HSD17B4: variants seen among roughly 807,000 people sequenced by gnomAD.
HSD17B4 encodes the protein hydroxysteroid 17-beta dehydrogenase 4.
Under a neutral mutation model 101.0 loss-of-function variants are expected in HSD17B4, and 70 were observed. That is an observed-to-expected ratio of 0.69 (90% CI 0.57 to 0.85). HSD17B4 has a LOEUF of 0.85. HSD17B4 is among the 40% of genes least tolerant of loss of function. The probability of loss-of-function intolerance (pLI) is 0.00; values close to 1 mark genes in which losing one functional copy is unlikely to be tolerated. For synonymous variants in HSD17B4, 347 were observed against 297.1 expected (o/e 1.17, Z -1.73); for missense variants, 984 against 892.4 (o/e 1.10, Z -1.31).
chr5:119,527,157 C>G lies in HSD17B4; in HGVS notation c.1705C>G (p.Pro569Ala), dbSNP rs764392899. 1 of 1,605,422 alleles carries G rather than the reference C, an allele frequency of 6.2e-7. No homozygotes were observed. Among genetic ancestry groups the G allele is most frequent in the South Asian group, 1.1e-5 (1 of 90,902 alleles). Residue 569 changes from proline (P) to alanine (A), a missense_variant, in exon 20 of 24, where the codon CCA becomes GCA. Physicochemically the swap from Pro to Ala is conservative, Grantham distance 27. Coordinates refer to ENST00000510025, the MANE Select transcript of HSD17B4 (RefSeq NM_000414.4). Reference sequence around the variant, plus strand: ...GGCTCGTTTTGCAAAACCAGTATATCCAGGACAAACTCTACAAACTGAGAT... The same window carrying G: ...GGCTCGTTTTGCAAAACCAGTATATGCAGGACAAACTCTACAAACTGAGAT... ...IKARFAKPVY[P>A]GQTLQTEMWK...
intron 20 of HSD17B4, among the ~76,000 whole-genome samples, chr5:119,528,577 A>G (rs1412417870): frequency 1.3e-5 from 2 of 152,088 alleles, no homozygotes; most frequent in African/African-American, 4.8e-5. Context: ...TGGAGCCCTC[A>G]CATTTTCTAA....
chr5:119,514,350 A>T (rs1378918289), intron 16 of HSD17B4, among the ~76,000 whole-genome samples: 1 of 152,152 alleles, frequency 6.6e-6, no homozygotes, highest in Non-Finnish European at 1.5e-5. Context: ...ATTTACTTAA[A>T]TTATTCTATA....
chr5:119,472,240 C>T (rs116225108), intron 2 of HSD17B4, among the ~76,000 whole-genome samples: 1,908 of 152,256 alleles, frequency 0.013, 15 homozygotes, highest in Non-Finnish European at 0.022. Context: ...TTTAAAATCA[C>T]CATTCTTATA....
In HSD17B4 at chr5:119,527,276, C is replaced by T. The variant is rs2636961; in HGVS notation, c.1767+57C>T. The T allele has an allele frequency of 0.59, 576,478 of 974,272 alleles. 176,805 individuals carry two copies. Among genetic ancestry groups the T allele is most frequent in the East Asian group, 0.93 (38,818 of 41,558 alleles). 60.4% of individuals were successfully genotyped at this position (974,272 alleles called of 1,614,324 possible). A position where few individuals can be genotyped will look rare whatever the true frequency, so the allele number is the denominator to read the frequency against. ...TGCTTTATCATTGTGTTCCATCTTA[C>T]CATTTTTTTTTGGTTAGTACTATGG... On this transcript the variant is annotated intron_variant, in intron 20 of 23. Transcript: ENST00000510025.
intron 22 of HSD17B4, among the ~76,000 whole-genome samples, chr5:119,533,701 A>C (rs1240552221): frequency 6.6e-6 from 1 of 152,050 alleles, no homozygotes; most frequent in Non-Finnish European, 1.5e-5. Flanking sequence ...ATTTAAGAGT[A>C]ACTTCATAGC....
intron 15 of HSD17B4, among the ~76,000 whole-genome samples, chr5:119,507,362 T>A (rs1474191718): frequency 6.6e-6 from 1 of 152,232 alleles, no homozygotes; most frequent in African/African-American, 2.4e-5. Flanking sequence ...GTTTCTAGAC[T>A]TGAACTTATG....
chr5:119,469,702 G>A (rs1280963440), intron 2 of HSD17B4, among the ~76,000 whole-genome samples: 1 of 152,172 alleles, frequency 6.6e-6, no homozygotes, highest in Non-Finnish European at 1.5e-5. Flanking sequence ...TGTGTGTCTA[G>A]TAGAACAGTC....
chr5:119,462,248 ATTTTTT>A (rs10524491), intron 2 of HSD17B4, among the ~76,000 whole-genome samples: 112 of 29,908 alleles, frequency 3.7e-3, no homozygotes, highest in African/African-American at 0.01. Context: ...AACAAATGTG[ATTTTTT>A]TTTTTTTTTT....
intron 10 of HSD17B4, chr5:119,493,113 C>T (rs188596693): frequency 6.6e-6 from 1 of 152,378 alleles, no homozygotes; most frequent in African/African-American, 2.4e-5. Context: ...AAGCTCTAGA[C>T]ACAGGCATTT....
At chr5:119,532,072 A>G (rs570033139) in intron 22 of HSD17B4, among the ~76,000 whole-genome samples, 2 of 152,302 alleles carry the variant, frequency 1.3e-5, no homozygotes, top group South Asian at 2.1e-4. Context: ...AAGAAAAAAT[A>G]TTCTGTCAGA....
intron 2 of HSD17B4, among the ~76,000 whole-genome samples, chr5:119,463,657 T>C (rs1755507886): frequency 2.8e-5 from 1 of 35,808 alleles, no homozygotes; most frequent in South Asian, 7.5e-4. Context: ...TTATATGTCT[T>C]TTTTTTTTTT....
At chr5:119,474,313 T>A (rs1748355673) in intron 3 of HSD17B4, 88 bp from the exon 4 acceptor site, 1 of 821,854 alleles carries the variant, frequency 1.2e-6, no homozygotes, top group Non-Finnish European at 2.2e-6. Flanking sequence ...GGGTGAATAG[T>A]ATTTGTCGTG....
At chr5:119,513,571 A>T (rs983345113) in intron 16 of HSD17B4, among the ~76,000 whole-genome samples, 97 of 152,080 alleles carry the variant, frequency 6.4e-4, no homozygotes, top group African/African-American at 2.3e-3. Flanking sequence ...TTCAGTAGAG[A>T]CGGGGTTTCA....
At chr5:119,510,563 C>T (rs1223337422) in intron 16 of HSD17B4, among the ~76,000 whole-genome samples, 5 of 152,160 alleles carry the variant, frequency 3.3e-5, no homozygotes, top group Non-Finnish European at 7.4e-5. Flanking sequence ...GCTCCTTGGA[C>T]TTTCTTGTCA....
intron 3 of HSD17B4, 56 bp downstream of exon 3, chr5:119,474,071 C>T (rs962772870): frequency 3.2e-6 from 3 of 944,460 alleles, no homozygotes; most frequent in Non-Finnish European, 1.7e-6. Context: ...TGCTATTTGT[C>T]ACATTAATAA....
chr5:119,496,582 A>T lies in HSD17B4; in HGVS notation c.908A>T (p.Asp303Val). Residue 303 changes from aspartate (D) to valine (V), a missense_variant, in exon 12 of 24, where the codon GAT (aspartate) becomes GTT (valine). Asp to Val is a radical substitution (Grantham distance 152). Transcript: ENST00000510025. ...ATAATTGAAGTTCTGAGTAAAATAG[A>T]TTCAGAAGGAGGAGTTTCAGCAAAT... Reference protein sequence around the residue: ...GSIIEVLSKIDSEGGVSANHT... With the variant: ...GSIIEVLSKIVSEGGVSANHT... 6.2e-7 allele frequency: 1 copy of T among 1,603,168 alleles called. No homozygotes were observed. Among genetic ancestry groups the T allele is most frequent in the Non-Finnish European group, 8.5e-7 (1 of 1,170,110 alleles).
At chr5:119,510,207 T>A (rs1287832092) in intron 16 of HSD17B4, among the ~76,000 whole-genome samples, 1 of 152,208 alleles carries the variant, frequency 6.6e-6, no homozygotes, top group Non-Finnish European at 1.5e-5. Context: ...ATAATGTATC[T>A]GAGATAATTA....
At chr5:119,489,520 C>T (rs970352787) in intron 9 of HSD17B4, among the ~76,000 whole-genome samples, 5 of 152,028 alleles carry the variant, frequency 3.3e-5, no homozygotes, top group Admixed American at 6.6e-5. Context: ...TTGATCTGTT[C>T]GGTCAAAATG....
At chr5:119,490,058 T>TGAACCTGTTGTATACA (rs1276286650) in intron 9 of HSD17B4, among the ~76,000 whole-genome samples, 4 of 151,982 alleles carry the variant, frequency 2.6e-5, no homozygotes, top group African/African-American at 7.2e-5. Flanking sequence ...GTGGTAATAA[T>TGAACCTGTTGTATACA]GAACCTGTTG....
Sources: allele counts gnomAD v4.1 joint callset (sites outside exome capture counted in the v4.1 genomes callset), GRCh38; gene constraint gnomAD v4.1.1; transcripts MANE v1.5; gene names NCBI Gene and HGNC (gene_info 2026-07-23, HGNC 2026-07-21).